GRIN2A: variants seen among roughly 807,000 people sequenced by gnomAD.
GRIN2A encodes the protein glutamate ionotropic receptor NMDA type subunit 2A, also known as glutamate receptor ionotropic, NMDA 2A.
In GRIN2A, 22 loss-of-function variants were observed where a neutral mutation model predicts 113.4. The ratio of observed to expected loss-of-function variants is 0.19; its 90% CI spans 0.14 to 0.28. The LOEUF is 0.28. Among genes scored for constraint, GRIN2A ranks in the 10% least tolerant of loss-of-function variants. The probability of loss-of-function intolerance (pLI) is 1.00; values close to 1 mark genes in which losing one functional copy is unlikely to be tolerated. For missense variants in GRIN2A, 1,502 were observed against 1,887.0 expected, an observed-to-expected ratio of 0.80 and a Z score of 3.78; for synonymous variants, 827 against 738.4, an observed-to-expected ratio of 1.12 and a Z score of -1.94.
chr16:9,769,075 G>C lies in GRIN2A; in HGVS notation c.2371C>G (p.Leu791Val), dbSNP rs2141151400. The change falls in exon 12 of 13, where the codon CTG (leucine) becomes GTG (valine). Residue 791 changes from leucine to valine, a missense_variant. Around this residue, in one of 7 missense-constraint regions of GRIN2A, gnomAD observed 101 missense variants for 240.4 expected, o/e 0.42. Transcript: ENST00000330684. ...QFVGDGEMEELETLWLTGICH... is the reference protein window; with the variant it reads ...QFVGDGEMEEVETLWLTGICH... ...ATCCCAGTGAGCCACAGGGTCTCCA[G>C]CTCCTCCATCTCACCTGGACAGATC... The C allele has an allele frequency of 6.2e-7, 1 of 1,613,586 alleles. No homozygotes were observed. The highest frequency in any genetic ancestry group is 8.5e-7 in the Non-Finnish European group (1 of 1,179,544).
intron 2 of GRIN2A, among the ~76,000 whole-genome samples, chr16:10,015,289 A>AG (rs71380945): frequency 7.6e-6 from 1 of 132,172 alleles, no homozygotes; most frequent in African/African-American, 3.0e-5. Flanking sequence ...AAAAAGAAAA[A>AG]GAAAGGAAAG....
intron 2 of GRIN2A, among the ~76,000 whole-genome samples, chr16:9,979,527 G>C (rs1335567167): frequency 6.6e-6 from 1 of 152,052 alleles, no homozygotes; most frequent in Non-Finnish European, 1.5e-5. Flanking sequence ...TTTCTTGCTA[G>C]AGCAGGGTCT....
At chr16:10,066,267 G>A (rs1353402965) in intron 2 of GRIN2A, among the ~76,000 whole-genome samples, 1 of 152,184 alleles carries the variant, frequency 6.6e-6, no homozygotes, top group East Asian at 1.9e-4. Flanking sequence ...TCTGGGGAGG[G>A]TTGCCTGAAC....
intron 2 of GRIN2A, among the ~76,000 whole-genome samples, chr16:9,940,061 A>T (rs56338817): frequency 0.3 from 42,233 of 142,640 alleles, 6,330 homozygotes; most frequent in African/African-American, 0.36. Flanking sequence ...AGAGAGAGAG[A>T]GTGTGTGTGT....
intron 3 of GRIN2A, among the ~76,000 whole-genome samples, chr16:9,929,714 CAT>C (rs780062105): frequency 6.6e-5 from 10 of 152,194 alleles, no homozygotes; most frequent in African/African-American, 2.4e-4. Flanking sequence ...ATAATTAGCA[CAT>C]GTCACCAAAT....
intron 2 of GRIN2A, among the ~76,000 whole-genome samples, chr16:10,046,020 T>C (rs1204773034): frequency 6.6e-6 from 1 of 152,150 alleles, no homozygotes; most frequent in Non-Finnish European, 1.5e-5. Context: ...ACCAAAAATA[T>C]CGCCAGACTA....
chr16:9,791,321 G>A (rs138444519), intron 11 of GRIN2A, among the ~76,000 whole-genome samples: 1,632 of 152,178 alleles, frequency 0.011, 14 homozygotes, highest in Non-Finnish European at 0.015. Context: ...CATTTTTATA[G>A]GGTGTTGCAT....
intron 2 of GRIN2A, among the ~76,000 whole-genome samples, chr16:9,988,145 G>C (rs185871459): frequency 6.6e-6 from 1 of 152,194 alleles, no homozygotes; most frequent in African/African-American, 2.4e-5. Flanking sequence ...GATCTCAAGA[G>C]AAGTAGGAGC....
chr16:10,061,659 C>G (rs979721190), intron 2 of GRIN2A, among the ~76,000 whole-genome samples: 30 of 152,152 alleles, frequency 2.0e-4, no homozygotes, highest in Admixed American at 2.0e-3. Context: ...ATTATAAACT[C>G]TAAGTGCCTC....
chr16:10,150,651 C>G (rs974138409), intron 2 of GRIN2A, among the ~76,000 whole-genome samples: 2 of 147,998 alleles, frequency 1.4e-5, no homozygotes, highest in Non-Finnish European at 3.0e-5. Context: ...TAGACACTTG[C>G]AGTCACCTGC....
intron 2 of GRIN2A, among the ~76,000 whole-genome samples, chr16:10,119,723 C>G (rs1353915505): frequency 1.3e-5 from 2 of 152,306 alleles, no homozygotes; most frequent in African/African-American, 4.8e-5. Flanking sequence ...TTTTTATCCT[C>G]TCCCTCCTCC....
chr16:9,762,895 T>G lies in GRIN2A; in HGVS notation c.*254A>C. 1.8e-6 allele frequency: 1 copy of G among 567,860 alleles called. No individual in the cohort carries two copies. The highest frequency in any genetic ancestry group is 2.2e-5 in the South Asian group (1 of 46,204). The allele number at this position is 567,860 out of a possible 1,614,324, so 35.2% of individuals were successfully genotyped here. ...TAGGCATGTCCCGGAGACTTGCCCT[T>G]ATGTAGTTAGTTATTTTTGGTTAAG... On this transcript the variant is annotated 3_prime_UTR_variant, in exon 13 of 13. Transcript: ENST00000330684.
At chr16:10,057,010 C>T (rs1355889991) in intron 2 of GRIN2A, among the ~76,000 whole-genome samples, 2 of 152,012 alleles carry the variant, frequency 1.3e-5, no homozygotes, top group Non-Finnish European at 2.9e-5. Flanking sequence ...CCCTCCACCC[C>T]TCCAGCCTTC....
intron 2 of GRIN2A, among the ~76,000 whole-genome samples, chr16:10,144,413 T>G (rs952786405): frequency 9.9e-5 from 15 of 152,216 alleles, no homozygotes; most frequent in African/African-American, 3.6e-4. Flanking sequence ...TGATGATTAA[T>G]GATGTTGAGA....
At position 10,005,589 on chromosome 16, in the gene GRIN2A, C is replaced by G. The variant is rs147109869; in HGVS notation, c.415-67038G>C. On this transcript the variant is annotated intron_variant, in intron 2 of 12. Coordinates refer to ENST00000330684, the MANE Select transcript of GRIN2A (RefSeq NM_001134407.3). ...AGAAAAAGATATTACTCACTTCCAT[C>G]TGAATACTGCCATTTCAACAGACAG... 5.2e-3 allele frequency among the ~76,000 whole-genome samples: 791 copies of G among 152,294 alleles called. 3 individuals are homozygous for G. The highest frequency in any genetic ancestry group is 8.6e-3 in the Non-Finnish European group (585 of 68,032).
chr16:10,157,072 T>C (rs2142312311), intron 2 of GRIN2A, among the ~76,000 whole-genome samples: 1 of 152,018 alleles, frequency 6.6e-6, no homozygotes, highest in African/African-American at 2.4e-5. Context: ...GCTTTAAGAG[T>C]GGAGAGTAAC....
chr16:10,148,201 A>G (rs980776047), intron 2 of GRIN2A, among the ~76,000 whole-genome samples: 2 of 152,198 alleles, frequency 1.3e-5, no homozygotes, highest in Non-Finnish European at 2.9e-5. Context: ...ATAGAGTTTC[A>G]TTATAACCCA....
chr16:10,044,454 T>G (rs1435584943), intron 2 of GRIN2A, among the ~76,000 whole-genome samples: 1 of 151,930 alleles, frequency 6.6e-6, no homozygotes, highest in Non-Finnish European at 1.5e-5. Context: ...CCTCTGTTGA[T>G]GTCTTTGCTG....
intron 10 of GRIN2A, among the ~76,000 whole-genome samples, chr16:9,810,639 C>T (rs900151481): frequency 6.6e-6 from 1 of 152,094 alleles, no homozygotes; most frequent in Non-Finnish European, 1.5e-5. Flanking sequence ...CCTGGAGGCA[C>T]CAGAAACTGG....
Sources: allele counts gnomAD v4.1 joint callset (sites outside exome capture counted in the v4.1 genomes callset), GRCh38; gene constraint gnomAD v4.1.1; regional missense constraint gnomAD v4.1.1; transcripts MANE v1.5; gene names NCBI Gene and HGNC (gene_info 2026-07-23, HGNC 2026-07-21).